MAP3K13: variants seen among roughly 807,000 people sequenced by gnomAD.
MAP3K13 encodes leucine zipper-bearing kinase.
A neutral mutation model predicts 104.0 loss-of-function variants in MAP3K13; 52 were observed. That is an observed-to-expected ratio of 0.50 (90% CI 0.40 to 0.63). The LOEUF (loss-of-function observed/expected upper bound fraction) is 0.63, where lower values mean the gene tolerates loss of function less well. Among genes scored for constraint, MAP3K13 ranks in the 20% least tolerant of loss-of-function variants. MAP3K13 has a pLI of 0.00. For missense variants in MAP3K13, 914 were observed against 1,218.5 expected (o/e 0.75, Z 3.72); for synonymous variants, 394 against 442.2 (o/e 0.89, Z 1.37).
chr3:185,439,824 A>G (rs1481773373), intron 3 of MAP3K13, among the ~76,000 whole-genome samples: 1 of 152,064 alleles, frequency 6.6e-6, no homozygotes, highest in Non-Finnish European at 1.5e-5. Context: ...CTAGTGCCCA[A>G]CTCTTTAGGC....
At chr3:185,429,374 T>C (rs1714617321) in intron 2 of MAP3K13, among the ~76,000 whole-genome samples, 2 of 152,234 alleles carry the variant, frequency 1.3e-5, no homozygotes, top group African/African-American at 4.8e-5. Context: ...AAATTTCTAT[T>C]TTCATACATT....
At chr3:185,408,406 C>T (rs1713241095) in intron 1 of MAP3K13, among the ~76,000 whole-genome samples, 1 of 151,892 alleles carries the variant, frequency 6.6e-6, no homozygotes, top group South Asian at 2.1e-4. Context: ...ATGCCATCTC[C>T]TCTAAAAGTA....
intron 2 of MAP3K13, among the ~76,000 whole-genome samples, chr3:185,354,699 T>C (rs1429008365): frequency 6.6e-6 from 1 of 152,042 alleles, no homozygotes; most frequent in Non-Finnish European, 1.5e-5. Flanking sequence ...CAGTTACCTT[T>C]CTTCTAGTAT....
At chr3:185,389,420 A>C (rs1711901716) in intron 1 of MAP3K13, among the ~76,000 whole-genome samples, 1 of 152,168 alleles carries the variant, frequency 6.6e-6, no homozygotes, top group Non-Finnish European at 1.5e-5. Flanking sequence ...TAAGGTACAT[A>C]AAGTCTGAGC....
chr3:185,438,191 G>A (rs541613124), intron 3 of MAP3K13, among the ~76,000 whole-genome samples: 1 of 152,142 alleles, frequency 6.6e-6, no homozygotes, highest in South Asian at 2.1e-4. Context: ...ACCTACTTAA[G>A]AGGCTGAGGC....
At chr3:185,440,709 C>T (rs982804670) in intron 3 of MAP3K13, among the ~76,000 whole-genome samples, 1 of 152,128 alleles carries the variant, frequency 6.6e-6, no homozygotes, top group Non-Finnish European at 1.5e-5. Flanking sequence ...ATCATCATCA[C>T]CTTCATATGA....
intron 7 of MAP3K13, among the ~76,000 whole-genome samples, chr3:185,455,563 A>ATATATATATCATATATAT (rs1217413167): frequency 5.4e-5 from 1 of 18,358 alleles, no homozygotes; most frequent in Non-Finnish European, 1.3e-4. Context: ...GATATATATG[A>ATATATATATCATATATAT]GATATATATG....
chr3:185,356,549 T>C (rs1397647028), intron 2 of MAP3K13, among the ~76,000 whole-genome samples: 1 of 152,208 alleles, frequency 6.6e-6, no homozygotes, highest in East Asian at 1.9e-4. Context: ...GCCCGATATA[T>C]GGATGGAGAC....
At chr3:185,420,899 G>A (rs1213746419) in intron 1 of MAP3K13, among the ~76,000 whole-genome samples, 1 of 152,170 alleles carries the variant, frequency 6.6e-6, no homozygotes, top group Non-Finnish European at 1.5e-5. Context: ...ACAAAACCAA[G>A]GTAATTTCCA....
intron 2 of MAP3K13, among the ~76,000 whole-genome samples, chr3:185,285,996 T>C (rs1720495388): frequency 6.6e-6 from 1 of 152,192 alleles, no homozygotes; most frequent in African/African-American, 2.4e-5. Context: ...ATTTAAATTA[T>C]CTTGCATCCA....
intron 1 of MAP3K13, among the ~76,000 whole-genome samples, chr3:185,386,969 G>C (rs1313536547): frequency 1.3e-5 from 2 of 152,136 alleles, no homozygotes; most frequent in African/African-American, 4.8e-5. Context: ...TTAATGCCTG[G>C]GGAATGGGAT....
At chr3:185,461,608 G>C (rs1207738869) in intron 7 of MAP3K13, among the ~76,000 whole-genome samples, 2 of 151,830 alleles carry the variant, frequency 1.3e-5, no homozygotes, top group Non-Finnish European at 2.9e-5. Flanking sequence ...TGTTGCCCAG[G>C]CTGGAGTGCA....
chr3:185,400,905 GTTTTT>G (rs71164506), intron 1 of MAP3K13, among the ~76,000 whole-genome samples: 10 of 107,292 alleles, frequency 9.3e-5, no homozygotes, highest in African/African-American at 2.5e-4. Context: ...GTGTTTGTTT[GTTTTT>G]TTTTTTTTTT....
chr3:185,477,286 C>G, intron 11 of MAP3K13, 40 bp from the exon 12 acceptor site: 3 of 1,276,152 alleles, frequency 2.4e-6, no homozygotes, highest in Non-Finnish European at 3.4e-6. Flanking sequence ...GACAGAGTGA[C>G]ACTAAAATAA....
At chr3:185,376,483 G>T (rs56039259) in intron 1 of MAP3K13, among the ~76,000 whole-genome samples, 1 of 151,928 alleles carries the variant, frequency 6.6e-6, no homozygotes, top group African/African-American at 2.4e-5. Flanking sequence ...GCGCAGTCCC[G>T]GCTCTTGTGT....
intron 2 of MAP3K13, chr3:185,329,408 A>G (rs1485633909): frequency 3.2e-5 from 17 of 537,810 alleles, no homozygotes; most frequent in East Asian, 3.1e-4. Context: ...GGAGGTTTTG[A>G]TGTTCAAAGA....
chr3:185,452,880 A>G (rs1715972512), intron 7 of MAP3K13, among the ~76,000 whole-genome samples: 1 of 152,178 alleles, frequency 6.6e-6, no homozygotes, highest in Non-Finnish European at 1.5e-5. Flanking sequence ...CCTGTGCTGC[A>G]TTATTCCTGC....
At chr3:185,308,517 G>A (rs1255371403) in intron 2 of MAP3K13, among the ~76,000 whole-genome samples, 1 of 57,682 alleles carries the variant, frequency 1.7e-5, no homozygotes, top group South Asian at 5.1e-4. Flanking sequence ...TGAGAGAAAG[G>A]CCATGAGTTG....
chr3:185,371,942 C>T (rs1724184106), intron 1 of MAP3K13, among the ~76,000 whole-genome samples: 1 of 152,166 alleles, frequency 6.6e-6, no homozygotes, highest in Non-Finnish European at 1.5e-5. Context: ...ACACATTAGG[C>T]TATCTGCAGG....
Sources: allele counts gnomAD v4.1 joint callset (sites outside exome capture counted in the v4.1 genomes callset), GRCh38; gene constraint gnomAD v4.1.1; transcripts MANE v1.5; gene names NCBI Gene and HGNC (gene_info 2026-07-23, HGNC 2026-07-21).